ZNF676: variants seen among roughly 807,000 people sequenced by gnomAD.
ZNF676 encodes zinc finger protein 676.
ZNF676 carries 4 observed loss-of-function variants against 6.0 expected under a neutral mutation model. That is an observed-to-expected ratio of 0.67 (90% CI 0.33 to 1.53). The LOEUF (loss-of-function observed/expected upper bound fraction) is 1.53. ZNF676 is among the 40% of genes most tolerant of loss of function. The pLI, the probability that ZNF676 is intolerant of heterozygous loss-of-function variation, is 0.06. For synonymous variants in ZNF676, 198 were observed against 223.1 expected, an observed-to-expected ratio of 0.89 and a Z score of 1.00; for missense variants, 644 against 679.7, an observed-to-expected ratio of 0.95 and a Z score of 0.58.
intron 2 of ZNF676, among the ~76,000 whole-genome samples, chr19:22,191,052 T>G (rs1179477884): frequency 6.6e-6 from 1 of 152,124 alleles, no homozygotes; most frequent in African/African-American, 2.4e-5. Context: ...GACATCATGG[T>G]TAACATCTGT....
the ZNF676 span, among the ~76,000 whole-genome samples, chr19:22,253,380 A>ATATATATATGATAATG: frequency 1.7e-5 from 2 of 114,384 alleles, no homozygotes; most frequent in African/African-American, 7.0e-5. Context: ...GTGTATATAT[A>ATATATATATGATAATG]TATATATATA....
chr19:22,213,103 T>C (rs888289994), intron 1 of ZNF676, among the ~76,000 whole-genome samples: 36 of 152,160 alleles, frequency 2.4e-4, no homozygotes, highest in African/African-American at 8.4e-4. Flanking sequence ...GGTCATCCAA[T>C]TACTGAGAGA....
intron 2 of ZNF676, among the ~76,000 whole-genome samples, chr19:22,184,826 G>GGAAAAAA (rs2023811327): frequency 1.9e-5 from 1 of 52,682 alleles, no homozygotes; most frequent in African/African-American, 8.0e-5. Context: ...GGGCATCTTT[G>GGAAAAAA]AAAAAAAAAA....
intron 1 of ZNF676, among the ~76,000 whole-genome samples, chr19:22,214,860 A>ACT (rs2024166850): frequency 6.6e-6 from 1 of 151,516 alleles, no homozygotes; most frequent in East Asian, 2.0e-4. Flanking sequence ...TAACACGGTG[A>ACT]AACTCCGTCT....
the ZNF676 span, among the ~76,000 whole-genome samples, chr19:22,238,213 G>A: frequency 1.3e-4 from 20 of 152,086 alleles, no homozygotes; most frequent in East Asian, 3.9e-4. Flanking sequence ...CGACACACCC[G>A]GCTAATTTTT....
chr19:22,229,629 C>A, the ZNF676 span, among the ~76,000 whole-genome samples: 1 of 152,044 alleles, frequency 6.6e-6, no homozygotes, highest in Non-Finnish European at 1.5e-5. Context: ...TATCCAGGCT[C>A]TACAAAGAAC....
chr19:22,222,101 A>G, the ZNF676 span, among the ~76,000 whole-genome samples: 3 of 130,856 alleles, frequency 2.3e-5, no homozygotes, highest in Admixed American at 2.3e-4. Flanking sequence ...ATTTTAGGCT[A>G]AAATATATTT....
chr19:22,188,577 A>T (rs1023491464), intron 2 of ZNF676, among the ~76,000 whole-genome samples: 3 of 152,108 alleles, frequency 2.0e-5, no homozygotes, highest in African/African-American at 7.2e-5. Context: ...AATAGTCTCT[A>T]TTTGCAGATG....
chr19:22,197,066 T>TA (rs1364186325), upstream of ZNF676: 2 of 228,730 alleles, frequency 8.7e-6, no homozygotes, highest in Non-Finnish European at 1.7e-5. Flanking sequence ...CTCATGCCTG[T>TA]AATCCCAGCA....
intron 2 of ZNF676, among the ~76,000 whole-genome samples, chr19:22,188,860 A>T (rs1025971116): frequency 6.6e-6 from 1 of 152,228 alleles, no homozygotes; most frequent in Non-Finnish European, 1.5e-5. Flanking sequence ...GAGAGGACAC[A>T]AACAAATGGA....
chr19:22,259,100 T>C, the ZNF676 span, among the ~76,000 whole-genome samples: 5 of 152,132 alleles, frequency 3.3e-5, no homozygotes, highest in African/African-American at 1.2e-4. Flanking sequence ...CCTGTACCCA[T>C]ACGGATTCAC....
chr19:22,238,237 A>C, the ZNF676 span, among the ~76,000 whole-genome samples: 418 of 152,152 alleles, frequency 2.7e-3, 3 homozygotes, highest in African/African-American at 9.8e-3. Flanking sequence ...TTTTCAGTAG[A>C]GAGGGGGTTT....
At chr19:22,194,307 C>A (rs11666326) in intron 1 of ZNF676, among the ~76,000 whole-genome samples, 32,910 of 152,016 alleles carry the variant, frequency 0.22, 4,166 homozygotes, top group South Asian at 0.42. Flanking sequence ...GAAATGCTTA[C>A]CATAATTCTA....
intron 1 of ZNF676, chr19:22,215,489 G>A: frequency 2.1e-6 from 2 of 953,254 alleles, no homozygotes; most frequent in Non-Finnish European, 3.2e-6. Flanking sequence ...GCCATCTTAT[G>A]GCTGAAGGGG....
the ZNF676 span, among the ~76,000 whole-genome samples, chr19:22,247,550 G>A: frequency 6.6e-6 from 1 of 150,702 alleles, no homozygotes; most frequent in African/African-American, 2.4e-5. Flanking sequence ...GGCAACAAGA[G>A]GGAAACTCTG....
At chr19:22,226,838 A>G in the ZNF676 span, among the ~76,000 whole-genome samples, 1 of 152,102 alleles carries the variant, frequency 6.6e-6, no homozygotes. Context: ...ATGTCAGGCA[A>G]TCCACCTGCC....
chr19:22,232,356 C>G, the ZNF676 span, among the ~76,000 whole-genome samples: 1 of 151,978 alleles, frequency 6.6e-6, no homozygotes, highest in African/African-American at 2.4e-5. Context: ...TTAGTAGAGA[C>G]AGGGTTTCAC....
chr19:22,234,459 A>G, the ZNF676 span, among the ~76,000 whole-genome samples: 1 of 152,182 alleles, frequency 6.6e-6, no homozygotes, highest in Non-Finnish European at 1.5e-5. Flanking sequence ...GTTGTGCATG[A>G]CCCACTTTGT....
the ZNF676 span, among the ~76,000 whole-genome samples, chr19:22,253,207 C>T: frequency 2.6e-5 from 4 of 151,772 alleles, no homozygotes; most frequent in African/African-American, 4.8e-5. Context: ...AGATTCAGAA[C>T]CTCAACAGTC....
Sources: gnomAD v4.1 joint callset for allele counts (sites outside exome capture counted in the v4.1 genomes callset) on GRCh38, gnomAD v4.1.1 for gene constraint, MANE v1.5 for transcripts, NCBI Gene and HGNC (gene_info 2026-07-23, HGNC 2026-07-21) for gene names.